APBA2: variants seen among roughly 807,000 people sequenced by gnomAD.
APBA2 encodes the protein amyloid beta precursor protein binding family A member 2.
In APBA2, 30 loss-of-function variants were observed where a neutral mutation model predicts 75.0. That is an observed-to-expected ratio of 0.40 (90% confidence interval 0.30 to 0.54). APBA2 has a LOEUF of 0.54. Among genes scored for constraint, APBA2 ranks in the 20% least tolerant of loss-of-function variants. The pLI is 0.49. For missense variants in APBA2, 801 were observed against 1,016.1 expected (o/e 0.79, Z 2.88); for synonymous variants, 444 against 409.6 (o/e 1.08, Z -1.01).
chr15:28,984,192 G>C (rs549320520), intron 2 of APBA2, among the ~76,000 whole-genome samples: 1 of 152,094 alleles, frequency 6.6e-6, no homozygotes, highest in Non-Finnish European at 1.5e-5. Context: ...GCAAGCTCTC[G>C]AGGCGTTATT....
chr15:28,953,573 A>G (rs1466523069), intron 2 of APBA2, among the ~76,000 whole-genome samples: 2 of 151,780 alleles, frequency 1.3e-5, no homozygotes, highest in Non-Finnish European at 2.9e-5. Flanking sequence ...CTCTCCTGAC[A>G]CTTTTGACCC....
chr15:28,997,037 G>A (rs1027792242), intron 3 of APBA2, among the ~76,000 whole-genome samples: 4 of 152,210 alleles, frequency 2.6e-5, no homozygotes, highest in African/African-American at 9.6e-5. Context: ...GCCATTATTT[G>A]TAAAGCAAGG....
chr15:29,021,701 C>G (rs2039965677), intron 3 of APBA2, among the ~76,000 whole-genome samples: 1 of 152,202 alleles, frequency 6.6e-6, no homozygotes, highest in African/African-American at 2.4e-5. Flanking sequence ...CTGTACAATA[C>G]AGTGTTGTTA....
At chr15:29,106,128 G>A (rs2044389945) in intron 11 of APBA2, among the ~76,000 whole-genome samples, 1 of 152,256 alleles carries the variant, frequency 6.6e-6, no homozygotes, top group African/African-American at 2.4e-5. Context: ...ATTCCAGGCA[G>A]TTTCTGAGAC....
chr15:29,053,101 A>G (rs1011929540), intron 3 of APBA2, among the ~76,000 whole-genome samples: 1 of 152,186 alleles, frequency 6.6e-6, no homozygotes, highest in Non-Finnish European at 1.5e-5. Flanking sequence ...CACTGGGTCC[A>G]GGCCCTCTCC....
chr15:28,994,281 C>T (rs1185306237), intron 2 of APBA2, among the ~76,000 whole-genome samples: 1 of 152,148 alleles, frequency 6.6e-6, no homozygotes, highest in East Asian at 1.9e-4. Context: ...CTGACGTTCA[C>T]ACAGGAAGCA....
At chr15:29,111,077 G>C (rs1039303988) in intron 13 of APBA2, among the ~76,000 whole-genome samples, 18 of 152,154 alleles carry the variant, frequency 1.2e-4, no homozygotes, top group African/African-American at 4.1e-4. Context: ...GGGGCCTGCA[G>C]TGAGGAAGGA....
intron 2 of APBA2, among the ~76,000 whole-genome samples, chr15:28,951,821 T>TCCATCCG (rs201905678): frequency 0.019 from 2,793 of 148,964 alleles, 124 homozygotes; most frequent in African/African-American, 0.067. Context: ...GACCTCATGA[T>TCCATCCG]CCATCCGCCT....
At chr15:28,919,768 C>T (rs929210861) in intron 1 of APBA2, among the ~76,000 whole-genome samples, 10 of 152,188 alleles carry the variant, frequency 6.6e-5, no homozygotes, top group Admixed American at 2.6e-4. Flanking sequence ...AGATGAGCCC[C>T]GCTCCCCCAG....
intron 2 of APBA2, among the ~76,000 whole-genome samples, chr15:28,964,451 T>C (rs1435798532): frequency 6.6e-6 from 1 of 152,118 alleles, no homozygotes. Flanking sequence ...CATCTGTGTA[T>C]CTTCACGGGT....
chr15:28,972,266 CA>C (rs1438800268), intron 2 of APBA2, among the ~76,000 whole-genome samples: 1 of 152,104 alleles, frequency 6.6e-6, no homozygotes, highest in Non-Finnish European at 1.5e-5. Context: ...AGAACTAAAA[CA>C]AGGCAATGGA....
At chr15:28,928,884 C>G (rs547119404) in intron 2 of APBA2, among the ~76,000 whole-genome samples, 185 of 152,246 alleles carry the variant, frequency 1.2e-3, no homozygotes, top group African/African-American at 4.3e-3. Flanking sequence ...CCACCCTTGG[C>G]CTGCAGCAAT....
At chr15:29,019,189 G>A (rs1276951159) in intron 3 of APBA2, among the ~76,000 whole-genome samples, 2 of 152,200 alleles carry the variant, frequency 1.3e-5, no homozygotes, top group Non-Finnish European at 2.9e-5. Context: ...GCCCAGGAGG[G>A]GGTTGCCTGC....
intron 2 of APBA2, among the ~76,000 whole-genome samples, chr15:28,962,146 C>T (rs961354853): frequency 6.6e-6 from 1 of 152,128 alleles, no homozygotes; most frequent in Non-Finnish European, 1.5e-5. Context: ...AATCATTATC[C>T]TCATTGAGGT....
At position 29,112,803 on chromosome 15, in the gene APBA2, C is replaced by T. The variant is rs150973055; in HGVS notation, c.2038-1073C>T. Among the ~76,000 whole-genome samples, 429 of 152,332 alleles carry T rather than the reference C, an allele frequency of 2.8e-3. 1 individual carries two copies. The highest frequency in any genetic ancestry group is 4.8e-3 in the Non-Finnish European group (327 of 68,042). On this transcript the variant is annotated intron_variant, in intron 13 of 14. Transcript: ENST00000683413. The stretch of plus-strand genomic sequence containing the variant: ...AGGCAGCCATGGCCACTGCGCTCTC[C>T]TGCACGTCTTCCTCCTCCCCAACAG...
chr15:29,079,999 A>G (rs988914075), intron 6 of APBA2, among the ~76,000 whole-genome samples: 1 of 152,094 alleles, frequency 6.6e-6, no homozygotes, highest in African/African-American at 2.4e-5. Flanking sequence ...CAGTGAGGCT[A>G]AAGTCACTTG....
chr15:29,113,093 G>A (rs1424758671), intron 13 of APBA2, among the ~76,000 whole-genome samples: 3 of 152,110 alleles, frequency 2.0e-5, no homozygotes. Flanking sequence ...CTGTTTCTCC[G>A]CTAGTCCGTG....
chr15:28,940,931 T>G (rs2152704539), intron 2 of APBA2, among the ~76,000 whole-genome samples: 1 of 152,312 alleles, frequency 6.6e-6, no homozygotes, highest in Non-Finnish European at 1.5e-5. Flanking sequence ...TTAAAAGGAC[T>G]CGTGAGCTCA....
chr15:29,094,113 C>T (rs1209090487), intron 7 of APBA2, among the ~76,000 whole-genome samples, 165 bp from the exon 8 acceptor site: 1 of 152,232 alleles, frequency 6.6e-6, no homozygotes, highest in Admixed American at 6.5e-5. Context: ...TTCTCTTGGT[C>T]AGTGTGTGTG....
Sources: gnomAD v4.1 joint callset for allele counts (sites outside exome capture counted in the v4.1 genomes callset) on GRCh38, gnomAD v4.1.1 for gene constraint, MANE v1.5 for transcripts, NCBI Gene and HGNC (gene_info 2026-07-23, HGNC 2026-07-21) for gene names.